The following PRKG1 variants were observed in gnomAD, a reference collection of about 807,000 sequenced individuals.
PRKG1 encodes cGMP-dependent protein kinase 1.
A neutral mutation model predicts 88.1 loss-of-function variants in PRKG1; 35 were observed. That is an observed-to-expected ratio of 0.40 (90% confidence interval 0.30 to 0.53). The LOEUF is 0.53. Ranked by LOEUF, PRKG1 falls within the 20% of genes least tolerant of loss-of-function variation. The pLI is 0.59. For synonymous variants in PRKG1, 303 were observed against 292.5 expected, an observed-to-expected ratio of 1.04 and a Z score of -0.37; for missense variants, 540 against 839.8, an observed-to-expected ratio of 0.64 and a Z score of 4.41.
chr10:51,780,890 G>A (rs1838570041), intron 3 of PRKG1, among the ~76,000 whole-genome samples: 1 of 152,090 alleles, frequency 6.6e-6, no homozygotes, highest in Admixed American at 6.6e-5. Flanking sequence ...TGAAACAGGT[G>A]TCATCACATA....
chr10:51,685,098 C>T (rs573568533), intron 3 of PRKG1, among the ~76,000 whole-genome samples: 13 of 152,214 alleles, frequency 8.5e-5, no homozygotes, highest in Admixed American at 7.2e-4. Context: ...CTGTAATGAC[C>T]TTCATCACTT....
intron 2 of PRKG1, among the ~76,000 whole-genome samples, chr10:51,347,789 C>T (rs187513994): frequency 2.0e-5 from 3 of 151,890 alleles, no homozygotes; most frequent in South Asian, 2.1e-4. Context: ...AGGCTGGGCG[C>T]GGTGGCTCAC....
chr10:51,515,472 G>A (rs897841040), intron 3 of PRKG1, among the ~76,000 whole-genome samples: 2 of 152,132 alleles, frequency 1.3e-5, no homozygotes, highest in Non-Finnish European at 2.9e-5. Context: ...AATGAGACAC[G>A]TGAAATCTTA....
intron 3 of PRKG1, among the ~76,000 whole-genome samples, chr10:51,655,310 G>A (rs1196868078): frequency 6.6e-6 from 1 of 152,068 alleles, no homozygotes; most frequent in Non-Finnish European, 1.5e-5. Flanking sequence ...AGATTCTGTA[G>A]CAAATGAACC....
chr10:51,024,990 A>G (rs954798898), intron 1 of PRKG1, among the ~76,000 whole-genome samples: 8 of 152,122 alleles, frequency 5.3e-5, no homozygotes, highest in Non-Finnish European at 1.2e-4. Flanking sequence ...GTGCCATACC[A>G]TGGCTCACTT....
At chr10:51,678,005 GA>G (rs1016874319) in intron 3 of PRKG1, among the ~76,000 whole-genome samples, 1 of 151,848 alleles carries the variant, frequency 6.6e-6, no homozygotes, top group Non-Finnish European at 1.5e-5. Flanking sequence ...GAGTAAAGGA[GA>G]AAAAAAGAGA....
At chr10:51,894,070 C>G (rs1379574353) in intron 4 of PRKG1, among the ~76,000 whole-genome samples, 1 of 152,124 alleles carries the variant, frequency 6.6e-6, no homozygotes, top group East Asian at 1.9e-4. Context: ...GAAGAAGTTT[C>G]TACAAACATA....
intron 1 of PRKG1, among the ~76,000 whole-genome samples, chr10:51,018,984 A>G (rs1478644344): frequency 6.6e-6 from 1 of 152,218 alleles, no homozygotes; most frequent in African/African-American, 2.4e-5. Context: ...TGGGATTTAT[A>G]AGTAAATGTT....
intron 5 of PRKG1, among the ~76,000 whole-genome samples, chr10:51,916,291 A>G (rs1937678): frequency 0.25 from 38,289 of 152,030 alleles, 5,162 homozygotes; most frequent in East Asian, 0.49. Context: ...AAACTAATAC[A>G]ATATGGTGAC....
At chr10:51,418,485 T>C (rs1838309271) in intron 2 of PRKG1, among the ~76,000 whole-genome samples, 1 of 152,168 alleles carries the variant, frequency 6.6e-6, no homozygotes, top group Admixed American at 6.6e-5. Flanking sequence ...CAAGTAGACA[T>C]TGGTTGCCTA....
intron 2 of PRKG1, among the ~76,000 whole-genome samples, chr10:51,384,304 GT>G (rs1481779147): frequency 6.6e-6 from 1 of 152,070 alleles, no homozygotes; most frequent in Non-Finnish European, 1.5e-5. Context: ...AAAAACAAAT[GT>G]TATAAAATTA....
At chr10:51,240,322 A>G (rs758657378) in intron 2 of PRKG1, among the ~76,000 whole-genome samples, 1 of 152,162 alleles carries the variant, frequency 6.6e-6, no homozygotes, top group Non-Finnish European at 1.5e-5. Context: ...TATGTTTTTT[A>G]TAGACATACC....
At chr10:51,770,981 T>G (rs1838289388) in intron 3 of PRKG1, among the ~76,000 whole-genome samples, 1 of 152,188 alleles carries the variant, frequency 6.6e-6, no homozygotes, top group African/African-American at 2.4e-5. Flanking sequence ...ACCTACATGG[T>G]ATAGCCTGCT....
chr10:51,123,883 C>CGA (rs1357215949), intron 1 of PRKG1, among the ~76,000 whole-genome samples: 4 of 151,866 alleles, frequency 2.6e-5, no homozygotes, highest in African/African-American at 9.7e-5. Context: ...AAAGCAGGCG[C>CGA]GAGAGAGTGA....
At chr10:52,224,593 C>A (rs1840334952) in intron 9 of PRKG1, among the ~76,000 whole-genome samples, 1 of 46,920 alleles carries the variant, frequency 2.1e-5, no homozygotes, top group South Asian at 5.7e-4. Flanking sequence ...ATCCTTCGCC[C>A]CACCTCCGAC....
At chr10:51,387,945 G>A (rs2132641558) in intron 2 of PRKG1, among the ~76,000 whole-genome samples, 1 of 152,232 alleles carries the variant, frequency 6.6e-6, no homozygotes, top group African/African-American at 2.4e-5. Flanking sequence ...ATTAAATCCA[G>A]TTTTTTACTA....
In PRKG1 at chr10:52,034,181, G is replaced by C. The variant is rs181191343; in HGVS notation, c.763-20303G>C. 6.2e-3 allele frequency among the ~76,000 whole-genome samples: 950 copies of C among 152,122 alleles called. 6 individuals carry two copies. Among genetic ancestry groups the C allele is most frequent in the African/African-American group, 0.022 (904 of 41,482 alleles). On this transcript the variant is annotated intron_variant, in intron 5 of 17. Coordinates refer to ENST00000373980, the MANE Select transcript of PRKG1 (RefSeq NM_006258.4). ...TGTGCAAATCACAGGGGATGCCATG[G>C]CTTGGCTTGGGCTCAGAGGCCTGAC...
At chr10:51,190,639 C>T (rs985201831) in intron 2 of PRKG1, among the ~76,000 whole-genome samples, 2 of 151,782 alleles carry the variant, frequency 1.3e-5, no homozygotes, top group Non-Finnish European at 3.0e-5. Flanking sequence ...TCTTTGTGCT[C>T]TCTTTCCTTT....
At chr10:52,207,324 G>A (rs1217697365) in intron 9 of PRKG1, among the ~76,000 whole-genome samples, 1 of 152,082 alleles carries the variant, frequency 6.6e-6, no homozygotes, top group African/African-American at 2.4e-5. Flanking sequence ...GCTGGTGAGG[G>A]AGCTATGATG....
Sources: gnomAD v4.1 joint callset for allele counts (sites outside exome capture counted in the v4.1 genomes callset) on GRCh38, gnomAD v4.1.1 for gene constraint, MANE v1.5 for transcripts, NCBI Gene and HGNC (gene_info 2026-07-23, HGNC 2026-07-21) for gene names.